LARGE1: variants seen among roughly 807,000 people sequenced by gnomAD.
LARGE1 encodes the protein xylosyl- and glucuronyltransferase LARGE1.
Under a neutral mutation model 87.6 loss-of-function variants are expected in LARGE1, and 43 were observed. The observed-to-expected ratio is 0.49, with a 90% CI of 0.38 to 0.63. The LOEUF is 0.63. LARGE1 is among the 30% of genes least tolerant of loss of function. The pLI is 0.00. For synonymous variants in LARGE1, 434 were observed against 394.6 expected (o/e 1.10, Z -1.18); for missense variants, 802 against 1,000.2 (o/e 0.80, Z 2.67).
intron 11 of LARGE1, among the ~76,000 whole-genome samples, chr22:33,186,320 A>G (rs548427489): frequency 8.5e-5 from 13 of 152,332 alleles, no homozygotes; most frequent in African/African-American, 2.9e-4. Flanking sequence ...GTGATAAATC[A>G]TAACAAGGTT....
chr22:33,247,840 G>C (rs113096415), intron 11 of LARGE1, among the ~76,000 whole-genome samples: 1 of 152,184 alleles, frequency 6.6e-6, no homozygotes. Flanking sequence ...TGCCTTGCCT[G>C]AAACAGATGC....
chr22:33,416,893 C>T (rs1601764764), intron 7 of LARGE1, among the ~76,000 whole-genome samples: 3 of 143,800 alleles, frequency 2.1e-5, no homozygotes, highest in African/African-American at 8.0e-5. Context: ...AGGTGTGAGG[C>T]ACCACGCCCG....
chr22:33,858,082 G>A (rs367867269), intron 1 of LARGE1, among the ~76,000 whole-genome samples: 96 of 152,296 alleles, frequency 6.3e-4, no homozygotes, highest in African/African-American at 2.3e-3. Context: ...AGTTCTGTTA[G>A]AAGCCACGAG....
chr22:33,221,387 T>G (rs886241286), intron 11 of LARGE1, among the ~76,000 whole-genome samples: 2 of 152,116 alleles, frequency 1.3e-5, no homozygotes, highest in Admixed American at 6.5e-5. Context: ...TGAGTAAAGG[T>G]TGGGACATAG....
At chr22:33,620,414 G>A (rs1042365111) in intron 4 of LARGE1, among the ~76,000 whole-genome samples, 2 of 152,132 alleles carry the variant, frequency 1.3e-5, no homozygotes, top group Non-Finnish European at 2.9e-5. Context: ...CCGTTTATCT[G>A]CAACTGGGAT....
At position 33,464,886 on chromosome 22, in the gene LARGE1, CACACAT is replaced by C. The variant is rs796966601; in HGVS notation, c.788-32627_788-32622del. Among the ~76,000 whole-genome samples the C allele has an allele frequency of 3.0e-3, 239 of 80,112 alleles. 2 individuals carry two copies. The highest frequency in any genetic ancestry group is 0.019 in the African/African-American group (227 of 12,146). 52.6% of individuals were successfully genotyped at this position (80,112 alleles called of 152,430 possible). A position where few individuals can be genotyped will look rare whatever the true frequency, so the allele number is the denominator to read the frequency against. ...TACACACACACTGCACACACATGCA[CACACAT>C]ACACACACACACACATACACATGCA... is the stretch of plus-strand genomic sequence containing the variant. On this transcript the variant is annotated intron_variant, in intron 6 of 14. Coordinates refer to ENST00000397394, the MANE Select transcript of LARGE1 (RefSeq NM_133642.5).
chr22:33,448,805 T>A (rs2067792614), intron 6 of LARGE1, among the ~76,000 whole-genome samples: 1 of 149,914 alleles, frequency 6.7e-6, no homozygotes, highest in Non-Finnish European at 1.5e-5. Flanking sequence ...CAGCAAATGT[T>A]AGTAACTGGG....
At chr22:33,102,313 C>T in the LARGE1 span, among the ~76,000 whole-genome samples, 7 of 151,170 alleles carry the variant, frequency 4.6e-5, no homozygotes, top group Non-Finnish European at 1.0e-4. Flanking sequence ...GGACTACAGG[C>T]GTGGGCCACC....
chr22:33,532,063 C>T (rs8140641), intron 6 of LARGE1, among the ~76,000 whole-genome samples: 5,730 of 152,242 alleles, frequency 0.038, 355 homozygotes, highest in African/African-American at 0.13. Context: ...CTCTGATGTG[C>T]CTAGCACAGA....
intron 6 of LARGE1, among the ~76,000 whole-genome samples, chr22:33,543,173 C>A (rs2077259303): frequency 6.6e-6 from 1 of 150,842 alleles, no homozygotes; most frequent in Non-Finnish European, 1.5e-5. Context: ...ACCTAATTGG[C>A]TTGAATGGTG....
chr22:33,156,171 C>T, the LARGE1 span, among the ~76,000 whole-genome samples: 1 of 152,186 alleles, frequency 6.6e-6, no homozygotes, highest in Non-Finnish European at 1.5e-5. Context: ...AGAGTCCCCA[C>T]ACAGAGTCCC....
At chr22:33,536,446 C>T (rs1214388875) in intron 6 of LARGE1, among the ~76,000 whole-genome samples, 1 of 152,196 alleles carries the variant, frequency 6.6e-6, no homozygotes, top group Non-Finnish European at 1.5e-5. Flanking sequence ...GAAGGCTTAA[C>T]GTGCTGAGCA....
At chr22:33,193,562 A>G (rs1369026131) in intron 11 of LARGE1, among the ~76,000 whole-genome samples, 1 of 152,196 alleles carries the variant, frequency 6.6e-6, no homozygotes, top group Non-Finnish European at 1.5e-5. Flanking sequence ...CTGTAATCCC[A>G]GCACTTTGGG....
chr22:33,453,715 G>A (rs369481122), intron 6 of LARGE1, among the ~76,000 whole-genome samples: 8 of 152,018 alleles, frequency 5.3e-5, no homozygotes, highest in African/African-American at 9.7e-5. Context: ...CTTGGTTCTC[G>A]CTAAACTCAC....
chr22:33,350,304 A>G (rs559669735), intron 9 of LARGE1, among the ~76,000 whole-genome samples: 6 of 152,314 alleles, frequency 3.9e-5, no homozygotes, highest in African/African-American at 2.4e-5. Context: ...AGATGCAAAC[A>G]GTGTTAAGTG....
At chr22:33,631,520 C>A (rs60066761) in intron 3 of LARGE1, among the ~76,000 whole-genome samples, 1 of 152,078 alleles carries the variant, frequency 6.6e-6, no homozygotes, top group African/African-American at 2.4e-5. Context: ...TAGGCCTACA[C>A]GGAGTCAGAA....
At chr22:33,669,752 C>T (rs1369814036) in intron 2 of LARGE1, among the ~76,000 whole-genome samples, 9 of 152,192 alleles carry the variant, frequency 5.9e-5, no homozygotes, top group Admixed American at 5.9e-4. Flanking sequence ...TGTAATGCTG[C>T]AATATGCCAG....
intron 11 of LARGE1, among the ~76,000 whole-genome samples, chr22:33,261,496 C>T (rs1350304909): frequency 4.6e-5 from 7 of 151,844 alleles, no homozygotes; most frequent in African/African-American, 1.5e-4. Flanking sequence ...GTAATTCAAA[C>T]GTGGCTCTCA....
At chr22:33,560,641 G>A (rs1169618784) in intron 6 of LARGE1, among the ~76,000 whole-genome samples, 1 of 152,012 alleles carries the variant, frequency 6.6e-6, no homozygotes, top group African/African-American at 2.4e-5. Flanking sequence ...AGGCATGCAG[G>A]GGTCCAAGGT....
Sources: allele counts gnomAD v4.1 joint callset (sites outside exome capture counted in the v4.1 genomes callset), GRCh38; gene constraint gnomAD v4.1.1; transcripts MANE v1.5; gene names NCBI Gene and HGNC (gene_info 2026-07-23, HGNC 2026-07-21).